NCKAP5L: variants seen among roughly 807,000 people sequenced by gnomAD.
NCKAP5L encodes nck-associated protein 5-like.
In NCKAP5L, 54 loss-of-function variants were observed where a neutral mutation model predicts 103.2. The observed-to-expected ratio is 0.52, with a 90% confidence interval of 0.42 to 0.66. NCKAP5L has a LOEUF of 0.66. NCKAP5L is among the 30% of genes least tolerant of loss of function. The probability of loss-of-function intolerance (pLI) is 0.00; values close to 1 mark genes in which losing one functional copy is unlikely to be tolerated. For missense variants in NCKAP5L, 1,733 were observed against 1,750.6 expected (o/e 0.99, Z 0.18); for synonymous variants, 762 against 748.6 (o/e 1.02, Z -0.29).
chr12:49,815,670 A>T (rs778071225), intron 1 of NCKAP5L, among the ~76,000 whole-genome samples: 1 of 151,996 alleles, frequency 6.6e-6, no homozygotes, highest in Non-Finnish European at 1.5e-5. Flanking sequence ...TTATATTTTT[A>T]GTAGAGATGG....
chr12:49,809,898 A>G (rs1003281252), intron 1 of NCKAP5L, among the ~76,000 whole-genome samples: 2 of 152,072 alleles, frequency 1.3e-5, no homozygotes, highest in Non-Finnish European at 2.9e-5. Context: ...TGGAGACACA[A>G]TAGCCCTTCT....
chr12:49,817,603 T>C (rs1459791837), intron 1 of NCKAP5L, among the ~76,000 whole-genome samples: 2 of 152,022 alleles, frequency 1.3e-5, no homozygotes, highest in Non-Finnish European at 1.5e-5. Context: ...AATAGCATGG[T>C]ACTGGCATAA....
At chr12:49,814,160 T>TTATA (rs141969862) in intron 1 of NCKAP5L, among the ~76,000 whole-genome samples, 59 of 124,646 alleles carry the variant, frequency 4.7e-4, no homozygotes, top group African/African-American at 1.2e-3. Context: ...TATTTTATAT[T>TTATA]TATATATATA....
At chr12:49,793,667 G>T in intron 9 of NCKAP5L, 67 bp downstream of exon 9, 1 of 1,473,442 alleles carries the variant, frequency 6.8e-7, no homozygotes, top group Non-Finnish European at 9.0e-7. Flanking sequence ...GAACCCTCTA[G>T]GGGGTAAGAG....
chr12:49,802,044 A>G (rs1343587437), intron 5 of NCKAP5L, 77 bp from the exon 6 acceptor site: 2 of 1,567,302 alleles, frequency 1.3e-6, no homozygotes, highest in African/African-American at 2.7e-5. Flanking sequence ...TCATCAGAGC[A>G]GCGGCATCTG....
Position 49,791,911 on chromosome 12 carries a change from TG to T in NCKAP5L, c.3932del (p.Pro1311GlnfsTer57), listed in dbSNP as rs750891910. Reference protein sequence around the residue: ...EEGRVASGGPPGLETSESLSD... With the variant: ...EEGRVASGGPXGLETSESLSD... ...TGAGAGACTCCGAGGTCTCCAGCCC[TG>T]GGGGGCCCCCGCTGGCCACTCTGCC... On this transcript the variant is annotated frameshift_variant, in exon 13 of 13. Transcript: ENST00000335999. LOFTEE classifies it high-confidence loss of function. 1.2e-6 allele frequency: 2 copies of T among 1,612,126 alleles called. No individual in the cohort carries two copies. The highest frequency in any genetic ancestry group is 1.1e-5 in the South Asian group (1 of 90,910).
Position 49,804,011 on chromosome 12 carries a change from G to C in NCKAP5L, c.34C>G (p.Pro12Ala). 1.2e-6 allele frequency: 2 copies of C among 1,612,116 alleles called. No individual in the cohort carries two copies. The highest frequency in any genetic ancestry group is 2.2e-5 in the South Asian group (2 of 91,068). ...SEAMDQPAGG[P>A]GNPRPGEGDD... is the part of the protein sequence containing the mutation. ...CCCTCTCCTGGCCTTGGGTTTCCAG[G>C]ACCCCCAGCTGGCTGGTCCATGGCC... The change falls in exon 3 of 13, where the codon CCT becomes GCT. Residue 12 changes from proline to alanine, a missense_variant. By Grantham distance (27) the Pro-to-Ala change is conservative (BLOSUM62 -1). Transcript: ENST00000335999.
chr12:49,821,802 C>T (rs1049244048), intron 1 of NCKAP5L, among the ~76,000 whole-genome samples: 1 of 152,180 alleles, frequency 6.6e-6, no homozygotes, highest in African/African-American at 2.4e-5. Context: ...ATGAACAGGC[C>T]GCTCATATAG....
chr12:49,826,981 C>A (rs990544721), intron 1 of NCKAP5L, among the ~76,000 whole-genome samples: 2 of 152,198 alleles, frequency 1.3e-5, no homozygotes, highest in Non-Finnish European at 2.9e-5. Context: ...GAAAGGAATA[C>A]ACACGGTTTC....
chr12:49,827,039 G>T (rs1592766387), intron 1 of NCKAP5L, among the ~76,000 whole-genome samples: 1 of 152,274 alleles, frequency 6.6e-6, no homozygotes, highest in African/African-American at 2.4e-5. Context: ...AGGAAGATGG[G>T]GGGACCAATT....
chr12:49,822,035 G>A (rs1411784197), intron 1 of NCKAP5L, among the ~76,000 whole-genome samples: 1 of 152,178 alleles, frequency 6.6e-6, no homozygotes, highest in Non-Finnish European at 1.5e-5. Context: ...CGGGGCGGTG[G>A]TGCTGTGGGA....
At chr12:49,808,967 AC>A (rs1946210754) in intron 1 of NCKAP5L, among the ~76,000 whole-genome samples, 1 of 151,670 alleles carries the variant, frequency 6.6e-6, no homozygotes, top group Non-Finnish European at 1.5e-5. Context: ...GAGGGAGGTG[AC>A]CTCAGTGCAG....
chr12:49,812,414 A>T (rs1195300206), intron 1 of NCKAP5L, among the ~76,000 whole-genome samples: 3 of 144,212 alleles, frequency 2.1e-5, no homozygotes, highest in African/African-American at 5.2e-5. Context: ...ACAGAGTTTC[A>T]CTCATGTTGC....
chr12:49,817,528 A>AGATTT (rs567092678), intron 1 of NCKAP5L, among the ~76,000 whole-genome samples: 1,562 of 152,304 alleles, frequency 0.01, 11 homozygotes, highest in South Asian at 0.027. Context: ...CTTGAGCAAA[A>AGATTT]GAACAAACTT....
chr12:49,813,635 C>T (rs1946264906), intron 1 of NCKAP5L, among the ~76,000 whole-genome samples: 1 of 152,146 alleles, frequency 6.6e-6, no homozygotes, highest in Admixed American at 6.6e-5. Flanking sequence ...TCAAGCAGTT[C>T]TCCTGTCTCA....
At chr12:49,823,969 C>T (rs1176023255) in intron 1 of NCKAP5L, among the ~76,000 whole-genome samples, 1 of 152,260 alleles carries the variant, frequency 6.6e-6, no homozygotes, top group East Asian at 1.9e-4. Context: ...ACACAGGCGC[C>T]GAGGGCTGCT....
In NCKAP5L at chr12:49,819,516, T is replaced by C. The variant is rs554724102; in HGVS notation, c.-99+8806A>G. ...AGTCCTAAAAAAGGAGGAAATCCTG[T>C]CATTGGTAACAACGTGGATGAATCT... On this transcript the variant is annotated intron_variant, in intron 1 of 12. Coordinates refer to ENST00000335999, the MANE Select transcript of NCKAP5L (RefSeq NM_001037806.4). Among the ~76,000 whole-genome samples the C allele has an allele frequency of 2.6e-3, 397 of 152,316 alleles. 2 individuals carry two copies. Among genetic ancestry groups the C allele is most frequent in the African/African-American group, 9.2e-3 (381 of 41,566 alleles).
rs3813526 is a variant in NCKAP5L at position 49,795,819 on chromosome 12, A to G, written c.2041T>C (p.Ser681Pro). 134,993 of 1,568,158 alleles carry G rather than the reference A, an allele frequency of 0.086. 16,576 individuals are homozygous for G. Among genetic ancestry groups the G allele is most frequent in the East Asian group, 0.55 (22,992 of 41,770 alleles). Reference sequence around the variant, plus strand: ...CTGGCTGGCACCCCATTCTTCTCTGAGCCCAGGGCCCCCTCGGGGCCTGTC... The same window carrying G: ...CTGGCTGGCACCCCATTCTTCTCTGGGCCCAGGGCCCCCTCGGGGCCTGTC... ...LKTGPEGALG[S>P]EKNGVPARPG... Residue 681 changes from serine to proline, a missense_variant, in exon 8 of 13, where the codon TCA becomes CCA. Physicochemically the swap from Ser to Pro is moderately conservative, Grantham distance 74. Transcript: ENST00000335999.
intron 1 of NCKAP5L, among the ~76,000 whole-genome samples, chr12:49,826,019 C>T (rs1026719140): frequency 6.6e-6 from 1 of 152,086 alleles, no homozygotes; most frequent in Non-Finnish European, 1.5e-5. Context: ...GGCAGCTTCT[C>T]CTCACTGCTG....
Sources: gnomAD v4.1 joint callset for allele counts (sites outside exome capture counted in the v4.1 genomes callset) on GRCh38, gnomAD v4.1.1 for gene constraint, MANE v1.5 for transcripts, NCBI Gene and HGNC (gene_info 2026-07-23, HGNC 2026-07-21) for gene names.